Variants in UMODL1 observed in about 807,000 individuals in gnomAD.
UMODL1 encodes the protein uromodulin-like 1.
Under a neutral mutation model 136.3 loss-of-function variants are expected in UMODL1, and 128 were observed. The observed-to-expected ratio is 0.94, with a 90% CI of 0.81 to 1.09. The LOEUF (loss-of-function observed/expected upper bound fraction) is 1.09. Among genes scored for constraint, UMODL1 ranks in the 50% least tolerant of loss-of-function variants. The probability of loss-of-function intolerance (pLI) is 0.00; values close to 1 mark genes in which losing one functional copy is unlikely to be tolerated. For synonymous variants in UMODL1, 721 were observed against 720.0 expected (o/e 1.00, Z -0.02); for missense variants, 1,766 against 1,725.6 (o/e 1.02, Z -0.41).
chr21:42,138,109 C>T (rs1385749273), intron 22 of UMODL1, among the ~76,000 whole-genome samples: 3 of 152,156 alleles, frequency 2.0e-5, no homozygotes, highest in Admixed American at 2.0e-4. Context: ...ATCTCTGCCA[C>T]CCACTCTCTT....
At chr21:42,072,043 CCAAA>C (rs56367687) in intron 1 of UMODL1, among the ~76,000 whole-genome samples, 1,549 of 149,014 alleles carry the variant, frequency 0.01, 26 homozygotes, top group African/African-American at 0.036. Context: ...GCAAAAGCCC[CCAAA>C]CAAACAAACA....
intron 21 of UMODL1, among the ~76,000 whole-genome samples, chr21:42,131,137 G>C (rs954656490): frequency 6.6e-6 from 1 of 152,152 alleles, no homozygotes; most frequent in Non-Finnish European, 1.5e-5. Context: ...ATGACAGAAG[G>C]AAAGAAACTT....
chr21:42,075,346 A>G (rs2066278345), intron 1 of UMODL1, among the ~76,000 whole-genome samples: 1 of 152,140 alleles, frequency 6.6e-6, no homozygotes, highest in Non-Finnish European at 1.5e-5. Context: ...GGTGTGAGCC[A>G]CCACGCCCGG....
chr21:42,134,634 A>T (rs1459598944), intron 21 of UMODL1, among the ~76,000 whole-genome samples: 1 of 152,014 alleles, frequency 6.6e-6, no homozygotes, highest in Non-Finnish European at 1.5e-5. Context: ...TTTATTTTTG[A>T]GACAGAGTCT....
At chr21:42,084,321 T>G (rs2066400432) in intron 3 of UMODL1, 76 bp downstream of exon 3, 1 of 1,484,182 alleles carries the variant, frequency 6.7e-7, no homozygotes. Flanking sequence ...TGTGAAGGTG[T>G]GGGGGGGAGT....
intron 6 of UMODL1, among the ~76,000 whole-genome samples, chr21:42,095,277 T>A (rs1449480638): frequency 1.3e-5 from 2 of 151,850 alleles, no homozygotes; most frequent in African/African-American, 2.4e-5. Context: ...GTGTTTTTTG[T>A]AAAGATAGGG....
At chr21:42,063,770 T>G (rs183666216) in intron 1 of UMODL1, among the ~76,000 whole-genome samples, 172 of 152,280 alleles carry the variant, frequency 1.1e-3, no homozygotes, top group Non-Finnish European at 1.3e-3. Context: ...TTGCCTGAAT[T>G]AGAGGGCGTG....
intron 17 of UMODL1, among the ~76,000 whole-genome samples, chr21:42,125,150 T>C (rs2067035237): frequency 6.6e-6 from 1 of 152,032 alleles, no homozygotes. Flanking sequence ...GGTGTCAATG[T>C]CTGGGAGCCG....
At chr21:42,110,221 G>A (rs559365369) in intron 10 of UMODL1, among the ~76,000 whole-genome samples, 4 of 152,192 alleles carry the variant, frequency 2.6e-5, no homozygotes, top group Non-Finnish European at 5.9e-5. Context: ...GGGATACCTG[G>A]GATGCTGAAT....
chr21:42,095,627 G>A (rs989146448), intron 6 of UMODL1, among the ~76,000 whole-genome samples: 4 of 152,138 alleles, frequency 2.6e-5, no homozygotes, highest in Non-Finnish European at 5.9e-5. Context: ...GGTCACAGTC[G>A]TAGGTTGCAG....
chr21:42,097,391 A>G (rs1000942039), intron 6 of UMODL1, among the ~76,000 whole-genome samples: 1 of 152,214 alleles, frequency 6.6e-6, no homozygotes, highest in East Asian at 1.9e-4. Context: ...GAGGCAGCTC[A>G]GTCTCAGGTT....
chr21:42,132,872 G>A (rs554008514), intron 21 of UMODL1, among the ~76,000 whole-genome samples: 1 of 152,250 alleles, frequency 6.6e-6, no homozygotes, highest in South Asian at 2.1e-4. Context: ...CTTTGAAAAG[G>A]GAATAATAAT....
At chr21:42,128,076 T>C (rs773998112) in intron 20 of UMODL1, 14 of 614,846 alleles carry the variant, frequency 2.3e-5, no homozygotes, top group Non-Finnish European at 4.2e-5. Context: ...CTGAGTTCCT[T>C]CTTGAGGCCA....
intron 21 of UMODL1, among the ~76,000 whole-genome samples, chr21:42,134,576 C>T (rs997491792): frequency 2.4e-4 from 36 of 152,032 alleles, no homozygotes; most frequent in Non-Finnish European, 3.1e-4. Flanking sequence ...CCTCTGAACG[C>T]GGGTTCTTTT....
intron 4 of UMODL1, chr21:42,086,593 C>T (rs1329252039): frequency 2.2e-6 from 1 of 455,444 alleles, no homozygotes; most frequent in East Asian, 6.9e-5. Context: ...CTGCCTGGCC[C>T]TAGTGTTGCC....
intron 21 of UMODL1, among the ~76,000 whole-genome samples, chr21:42,137,066 AT>A (rs1205167353): frequency 6.6e-6 from 1 of 151,976 alleles, no homozygotes; most frequent in African/African-American, 2.4e-5. Context: ...TGCACTCTCT[AT>A]TTTTTAATTG....
At chr21:42,136,062 G>C (rs1052067059) in intron 21 of UMODL1, among the ~76,000 whole-genome samples, 2 of 152,116 alleles carry the variant, frequency 1.3e-5, no homozygotes, top group Non-Finnish European at 2.9e-5. Flanking sequence ...ATGTGGCTGT[G>C]ACCTGGCTAT....
chr21:42,137,368 G>GT, intron 21 of UMODL1, 71 bp from the exon 22 acceptor site: 1 of 1,570,962 alleles, frequency 6.4e-7, no homozygotes, highest in Non-Finnish European at 8.7e-7. Context: ...CCGGATCCGG[G>GT]TGGAGGGCTT....
At chr21:42,100,977 A>T (rs1477789727) in intron 7 of UMODL1, among the ~76,000 whole-genome samples, 2 of 144,818 alleles carry the variant, frequency 1.4e-5, no homozygotes, top group Admixed American at 7.0e-5. Flanking sequence ...CAGGAAAAAA[A>T]ATACCTGCAT....
Sources: allele counts gnomAD v4.1 joint callset (sites outside exome capture counted in the v4.1 genomes callset), GRCh38; gene constraint gnomAD v4.1.1; transcripts MANE v1.5; gene names NCBI Gene and HGNC (gene_info 2026-07-23, HGNC 2026-07-21).